Variants in TF observed in about 807,000 individuals in gnomAD.
The protein encoded by TF is transferrin.
A neutral mutation model predicts 82.4 loss-of-function variants in TF; 55 were observed. That is an observed-to-expected ratio of 0.67 (90% CI 0.54 to 0.84). TF has a LOEUF of 0.84. Among genes scored for constraint, TF ranks in the 40% least tolerant of loss-of-function variants. The pLI, the probability that TF is intolerant of heterozygous loss-of-function variation, is 0.00. For missense variants in TF, 737 were observed against 868.4 expected (o/e 0.85, Z 1.90); for synonymous variants, 332 against 332.6 (o/e 1.00, Z 0.02).
the TF span, among the ~76,000 whole-genome samples, chr3:133,688,027 G>T: frequency 6.6e-6 from 1 of 152,104 alleles, no homozygotes; most frequent in Non-Finnish European, 1.5e-5. Flanking sequence ...CTGAGGGGTG[G>T]GGTAGAATCA....
At chr3:133,710,757 G>A in the TF span, among the ~76,000 whole-genome samples, 1 of 152,094 alleles carries the variant, frequency 6.6e-6, no homozygotes, top group African/African-American at 2.4e-5. Context: ...CTCTCAACAT[G>A]TAAACACACC....
At chr3:133,662,622 C>A in the TF span, among the ~76,000 whole-genome samples, 1 of 152,202 alleles carries the variant, frequency 6.6e-6, no homozygotes, top group Non-Finnish European at 1.5e-5. Flanking sequence ...GATTCTGGGA[C>A]TGAACCTAAG....
At chr3:133,663,553 T>C in the TF span, among the ~76,000 whole-genome samples, 3 of 152,118 alleles carry the variant, frequency 2.0e-5, no homozygotes, top group African/African-American at 7.2e-5. Flanking sequence ...ACAATTAATA[T>C]TTCTAGGGCA....
At chr3:133,723,461 A>G in the TF span, among the ~76,000 whole-genome samples, 8 of 145,698 alleles carry the variant, frequency 5.5e-5, no homozygotes, top group African/African-American at 1.7e-4. Context: ...GGGTTTCTTC[A>G]TTCCTTTTTA....
At chr3:133,672,512 C>T in the TF span, among the ~76,000 whole-genome samples, 272 of 149,334 alleles carry the variant, frequency 1.8e-3, 3 homozygotes, top group African/African-American at 5.5e-3. Context: ...AAATGTTATA[C>T]GTAATAGCCA....
At chr3:133,769,781 G>T (rs1934215234) in intron 13 of TF, among the ~76,000 whole-genome samples, 1 of 151,758 alleles carries the variant, frequency 6.6e-6, no homozygotes, top group Non-Finnish European at 1.5e-5. Context: ...GTACACACTA[G>T]TTCATCATCT....
At chr3:133,733,068 G>T in the TF span, among the ~76,000 whole-genome samples, 1 of 152,182 alleles carries the variant, frequency 6.6e-6, no homozygotes, top group African/African-American at 2.4e-5. Flanking sequence ...TTCCTGCCTT[G>T]CAGTGTGAAG....
chr3:133,724,854 A>AAG, the TF span, among the ~76,000 whole-genome samples: 1 of 151,866 alleles, frequency 6.6e-6, no homozygotes, highest in African/African-American at 2.4e-5. Flanking sequence ...GAAGGGATCC[A>AAG]GTTTCAGCTT....
chr3:133,770,753 A>C, intron 14 of TF, 181 bp downstream of exon 14: 1 of 767,288 alleles, frequency 1.3e-6, no homozygotes, highest in South Asian at 1.6e-5. Context: ...AATGATCAGG[A>C]TTATGGGGCC....
At chr3:133,732,155 G>T in the TF span, among the ~76,000 whole-genome samples, 1 of 152,124 alleles carries the variant, frequency 6.6e-6, no homozygotes, top group Non-Finnish European at 1.5e-5. Flanking sequence ...TAAGGTGCTG[G>T]ATACTGTACT....
the TF span, among the ~76,000 whole-genome samples, chr3:133,736,544 G>A: frequency 1.4e-5 from 2 of 147,390 alleles, no homozygotes; most frequent in African/African-American, 2.5e-5. Flanking sequence ...TCAGTGTGCT[G>A]TATTCAGGAG....
At chr3:133,740,648 T>C in the TF span, among the ~76,000 whole-genome samples, 1 of 152,110 alleles carries the variant, frequency 6.6e-6, no homozygotes, top group Non-Finnish European at 1.5e-5. Context: ...CATTTTCTTT[T>C]ACAAACTTTA....
rs1934930872 is a variant in TF at position 133,795,015 on chromosome 3, G to A, written c.*16395G>A. The A allele has an allele frequency of 6.6e-6, 1 of 152,202 alleles. No individual in the cohort carries two copies. 9.4% of individuals were successfully genotyped at this position (152,202 alleles called of 1,614,324 possible). A position where few individuals can be genotyped will look rare whatever the true frequency, so the allele number is the denominator to read the frequency against. On this transcript the variant is annotated 3_prime_UTR_variant, in exon 17 of 17. Coordinates refer to ENST00000402696, the MANE Select transcript of TF (RefSeq NM_001063.4). ...ATAATAGGCTCCATAGCAGTTTACTGTAAAGGCTATGGTTACATAATAGAC... is the reference window on the plus strand; with the variant it reads ...ATAATAGGCTCCATAGCAGTTTACTATAAAGGCTATGGTTACATAATAGAC...
At chr3:133,690,886 G>A in the TF span, among the ~76,000 whole-genome samples, 1 of 152,052 alleles carries the variant, frequency 6.6e-6, no homozygotes, top group Admixed American at 6.6e-5. Context: ...AAGGCCCAGC[G>A]GCCTTCTTGC....
the TF span, among the ~76,000 whole-genome samples, chr3:133,700,669 C>A: frequency 6.6e-5 from 10 of 152,194 alleles, no homozygotes; most frequent in Non-Finnish European, 1.5e-4. Context: ...TGGCCCCTGG[C>A]AATTTCCCCG....
the TF span, among the ~76,000 whole-genome samples, chr3:133,679,319 G>T: frequency 2.0e-5 from 3 of 152,076 alleles, no homozygotes; most frequent in African/African-American, 7.2e-5. Flanking sequence ...ACTGCACCTG[G>T]CCTTTAAGTC....
chr3:133,740,986 A>ATTT, the TF span, among the ~76,000 whole-genome samples: 155 of 47,486 alleles, frequency 3.3e-3, 6 homozygotes, highest in Non-Finnish European at 3.8e-3. Context: ...ATCCAGCTCT[A>ATTT]TTTTTTTTTT....
the TF span, among the ~76,000 whole-genome samples, chr3:133,734,849 C>T: frequency 1.3e-3 from 188 of 149,852 alleles, 3 homozygotes; most frequent in East Asian, 0.032. Flanking sequence ...ACCATGAGAA[C>T]ACAGACCAGC....
rs1403215104 is a variant in TF at position 133,746,470 on chromosome 3, C to T, written c.30C>T (p.Val10=). The T allele has an allele frequency of 6.3e-7, 1 of 1,599,394 alleles. No homozygotes were observed. The highest frequency in any genetic ancestry group is 8.5e-7 in the Non-Finnish European group (1 of 1,177,076). MRLAVGALL[V]CAVLGLCLAV... is the part of the protein sequence containing the mutation. ...GGCTCGCCGTGGGAGCCCTGCTGGT[C>T]TGCGCCGTCCTGGGTGAGTGCGGGC... The change falls in exon 1 of 17, where the codon GTC becomes GTT. Residue 10 remains valine, a synonymous_variant. Coordinates refer to ENST00000402696, the MANE Select transcript of TF (RefSeq NM_001063.4).
Sources: allele counts gnomAD v4.1 joint callset (sites outside exome capture counted in the v4.1 genomes callset), GRCh38; gene constraint gnomAD v4.1.1; transcripts MANE v1.5; gene names NCBI Gene and HGNC (gene_info 2026-07-23, HGNC 2026-07-21).